OPHN1: variants seen among roughly 807,000 people sequenced by gnomAD.
OPHN1 encodes the protein oligophrenin 1.
In OPHN1, 11 loss-of-function variants were observed where a neutral mutation model predicts 60.7. That is an observed-to-expected ratio of 0.18 (90% CI 0.11 to 0.30). The LOEUF (loss-of-function observed/expected upper bound fraction) is 0.30, where lower values mean the gene tolerates loss of function less well. Ranked by LOEUF, OPHN1 falls within the 10% of genes least tolerant of loss-of-function variation. OPHN1 has a pLI of 1.00. For synonymous variants in OPHN1, 226 were observed against 222.6 expected (o/e 1.02, Z -0.14); for missense variants, 449 against 611.0 (o/e 0.73, Z 2.80).
intron 15 of OPHN1, among the ~76,000 whole-genome samples, chrX:68,126,738 C>A (rs949902565): frequency 8.9e-6 from 1 of 111,934 alleles, no homozygotes; most frequent in South Asian, 3.8e-4. Context: ...AGCCACTGTG[C>A]CCGGCCATAG....
chrX:68,051,238 C>G (rs1262270351), intron 23 of OPHN1, among the ~76,000 whole-genome samples: 2 of 110,853 alleles, frequency 1.8e-5, no homozygotes, highest in Non-Finnish European at 3.8e-5. Context: ...ATTTCAAACT[C>G]TCTGATAACC....
chrX:68,388,881 T>C (rs1008334744), intron 2 of OPHN1, among the ~76,000 whole-genome samples: 1 of 111,415 alleles, frequency 9.0e-6, no homozygotes, highest in African/African-American at 3.3e-5. Context: ...CTAAAATGTT[T>C]AGTAATAAGA....
At chrX:68,129,940 T>A (rs974456263) in intron 15 of OPHN1, among the ~76,000 whole-genome samples, 5 of 111,420 alleles carry the variant, frequency 4.5e-5, no homozygotes, top group Admixed American at 1.9e-4. Context: ...CAAGTTAAGG[T>A]CTTGCCAGTT....
chrX:68,294,333 T>C (rs891892666), intron 3 of OPHN1, among the ~76,000 whole-genome samples: 6 of 108,360 alleles, frequency 5.5e-5, no homozygotes, highest in African/African-American at 2.0e-4. Context: ...TAGCCGGGCA[T>C]GTATTTACGC....
chrX:68,389,870 A>C, intron 2 of OPHN1, among the ~76,000 whole-genome samples: 1 of 111,248 alleles, frequency 9.0e-6, no homozygotes, highest in Non-Finnish European at 1.9e-5. Context: ...ATGTATGTCT[A>C]TTAGTCTGTT....
intron 15 of OPHN1, among the ~76,000 whole-genome samples, chrX:68,185,109 C>G (rs761383730): frequency 7.1e-5 from 8 of 112,446 alleles, no homozygotes; most frequent in Admixed American, 9.4e-5. Flanking sequence ...ATGGGAAAAT[C>G]CTACTGATTT....
chrX:68,303,745 G>C (rs998191992), intron 2 of OPHN1, among the ~76,000 whole-genome samples: 1 of 110,808 alleles, frequency 9.0e-6, no homozygotes, highest in Non-Finnish European at 1.9e-5. Context: ...ATGGCAACAC[G>C]GATGAGCCTT....
chrX:68,262,774 C>T (rs899786985), intron 5 of OPHN1, among the ~76,000 whole-genome samples: 2 of 109,737 alleles, frequency 1.8e-5, no homozygotes, highest in Non-Finnish European at 3.8e-5. Context: ...GCAACAAGAG[C>T]GAAAGTCCGA....
chrX:68,400,821 C>T (rs1451674631), intron 2 of OPHN1, among the ~76,000 whole-genome samples: 1 of 109,864 alleles, frequency 9.1e-6, no homozygotes, highest in Non-Finnish European at 1.9e-5. Flanking sequence ...AGGCTGGTCT[C>T]GAACTCCCAA....
At chrX:68,132,753 AAAG>A (rs1424045688) in intron 15 of OPHN1, 1 of 136,142 alleles carries the variant, frequency 7.3e-6, no homozygotes, top group African/African-American at 3.2e-5. Context: ...AAAAAAAAAA[AAAG>A]AAAAAAAGAA....
chrX:68,156,369 A>C (rs1335211981), intron 15 of OPHN1, among the ~76,000 whole-genome samples: 2 of 110,888 alleles, frequency 1.8e-5, no homozygotes, highest in East Asian at 5.6e-4. Context: ...AAAAGAAAAA[A>C]GATAAAATAA....
chrX:68,354,953 G>C (rs1390876315), intron 2 of OPHN1, among the ~76,000 whole-genome samples: 2 of 111,317 alleles, frequency 1.8e-5, no homozygotes, highest in East Asian at 2.8e-4. Context: ...CTGGGGCCTG[G>C]AATGGACATC....
At chrX:68,132,650 G>T in intron 15 of OPHN1, among the ~76,000 whole-genome samples, 1 of 94,741 alleles carries the variant, frequency 1.1e-5, no homozygotes, top group Non-Finnish European at 2.1e-5. Flanking sequence ...GTATACATAT[G>T]TAACTAACCT....
chrX:68,267,532 T>C (rs2077937774), intron 5 of OPHN1, among the ~76,000 whole-genome samples: 1 of 111,745 alleles, frequency 8.9e-6, no homozygotes, highest in Non-Finnish European at 1.9e-5. Flanking sequence ...CAAAGCAGTG[T>C]GTAGAGGGAA....
intron 2 of OPHN1, among the ~76,000 whole-genome samples, chrX:68,344,840 CAT>C (rs1340218608): frequency 8.9e-6 from 1 of 112,217 alleles, no homozygotes; most frequent in Non-Finnish European, 1.9e-5. Context: ...CAAGAAAACA[CAT>C]ATAGTTTTAA....
intron 2 of OPHN1, among the ~76,000 whole-genome samples, chrX:68,411,070 A>G (rs746629486): frequency 8.9e-6 from 1 of 112,174 alleles, no homozygotes; most frequent in Admixed American, 9.5e-5. Flanking sequence ...GAAAAGGCAT[A>G]CAATTTATTA....
chrX:68,416,524 C>T (rs1397078223), intron 2 of OPHN1, among the ~76,000 whole-genome samples: 1 of 111,491 alleles, frequency 9.0e-6, no homozygotes, highest in Non-Finnish European at 1.9e-5. Context: ...AAAAGCAAAA[C>T]CCCTGTATGA....
intron 15 of OPHN1, among the ~76,000 whole-genome samples, chrX:68,125,338 G>T (rs1383400794): frequency 1.8e-5 from 2 of 111,429 alleles, no homozygotes; most frequent in Admixed American, 1.9e-4. Flanking sequence ...ATTAAGATCA[G>T]AGCAGAAATA....
chrX:68,227,967 G>T (rs143171232), intron 6 of OPHN1, among the ~76,000 whole-genome samples: 2,588 of 111,194 alleles, frequency 0.023, 69 homozygotes, highest in African/African-American at 0.08. Context: ...AATGAATCCA[G>T]GAGATGGTTT....
Sources: allele counts gnomAD v4.1 joint callset (sites outside exome capture counted in the v4.1 genomes callset), GRCh38; gene constraint gnomAD v4.1.1; transcripts MANE v1.5; gene names NCBI Gene and HGNC (gene_info 2026-07-23, HGNC 2026-07-21).